ITGAV: variants seen among roughly 807,000 people sequenced by gnomAD.
ITGAV encodes the protein integrin subunit alpha V, also known as integrin alpha-V.
ITGAV carries 76 observed loss-of-function variants against 143.8 expected under a neutral mutation model. That is an observed-to-expected ratio of 0.53 (90% CI 0.44 to 0.64). ITGAV has a LOEUF of 0.64. Ranked by LOEUF, ITGAV falls within the 30% of genes least tolerant of loss-of-function variation. The pLI is 0.00. For synonymous variants in ITGAV, 453 were observed against 446.7 expected (o/e 1.01, Z -0.18); for missense variants, 1,193 against 1,274.7 (o/e 0.94, Z 0.98).
chr2:186,664,357 G>A (rs1186547996), intron 19 of ITGAV, 137 bp from the exon 20 acceptor site: 1 of 786,522 alleles, frequency 1.3e-6, no homozygotes, highest in African/African-American at 1.7e-5. Context: ...CTATCAAGCT[G>A]TGAAGTAGTC....
At position 186,679,448 on chromosome 2, in the gene ITGAV, A is replaced by G. The variant is rs1689296059; in HGVS notation, c.*2156A>G. The G allele has an allele frequency of 1.3e-5, 2 of 151,986 alleles. No homozygotes were observed. Among genetic ancestry groups the G allele is most frequent in the South Asian group, 4.1e-4 (2 of 4,834 alleles). The allele number at this position is 151,986 out of a possible 1,614,324, so 9.4% of individuals were successfully genotyped here. A position where few individuals can be genotyped will look rare whatever the true frequency, so the allele number is the denominator to read the frequency against. On this transcript the variant is annotated 3_prime_UTR_variant, in exon 30 of 30. Coordinates refer to ENST00000261023, the MANE Select transcript of ITGAV (RefSeq NM_002210.5). ...TGAACATTTATATATCTACAAAAATATGGAGAAGAGTAATTTGAAAGCCTA... is the reference window on the plus strand; with the variant it reads ...TGAACATTTATATATCTACAAAAATGTGGAGAAGAGTAATTTGAAAGCCTA...
At position 186,625,604 on chromosome 2, in the gene ITGAV, G is replaced by A. The variant is rs774613653; in HGVS notation, c.523+17G>A. 4 of 1,554,126 alleles carry A rather than the reference G, an allele frequency of 2.6e-6. No homozygotes were observed. In the South Asian group the frequency reaches 3.4e-5, roughly 13 times the overall value. On this transcript the variant is annotated intron_variant, in intron 4 of 29. Coordinates refer to ENST00000261023, the MANE Select transcript of ITGAV (RefSeq NM_002210.5). ...GTAGATCACGTATGTATAGGATATT[G>A]TACCAGCTTTTAAGAAGAGGGGTGG...
At chr2:186,657,021 C>T (rs1370160980) in intron 17 of ITGAV, among the ~76,000 whole-genome samples, 6 of 81,680 alleles carry the variant, frequency 7.3e-5, no homozygotes, top group Non-Finnish European at 1.3e-4. Context: ...CACACACACA[C>T]ACAGAAGCCA....
intron 24 of ITGAV, 127 bp downstream of exon 24, chr2:186,667,903 CAG>C: frequency 2.3e-6 from 1 of 434,880 alleles, no homozygotes; most frequent in Non-Finnish European, 4.1e-6. Context: ...AAGTATGTGT[CAG>C]AGATTTCTTT....
intron 4 of ITGAV, among the ~76,000 whole-genome samples, chr2:186,628,631 T>G (rs1360649676): frequency 6.6e-6 from 1 of 152,126 alleles, no homozygotes; most frequent in African/African-American, 2.4e-5. Context: ...CTGCACTATG[T>G]CAAATCAACA....
chr2:186,614,908 A>G (rs181791529), intron 2 of ITGAV, among the ~76,000 whole-genome samples: 2 of 152,058 alleles, frequency 1.3e-5, no homozygotes, highest in Non-Finnish European at 2.9e-5. Context: ...GTACAATTCA[A>G]TGAATTTTTA....
chr2:186,638,638 G>GTGTGTGTC (rs1383809453), intron 10 of ITGAV, among the ~76,000 whole-genome samples, 173 bp downstream of exon 10: 2 of 99,944 alleles, frequency 2.0e-5, no homozygotes, highest in Non-Finnish European at 4.9e-5. Flanking sequence ...GAGCGTGTGT[G>GTGTGTGTC]TGTGTGTGTG....
rs372704917 is a variant in ITGAV, at chr2:186,652,141, T to C, written c.1505+52T>C. 28 of 1,124,900 alleles carry C rather than the reference T, an allele frequency of 2.5e-5. No individual in the cohort carries two copies. In the African/African-American group the frequency reaches 4.0e-4, roughly 16 times the overall value. The allele number at this position is 1,124,900 out of a possible 1,614,324, so 69.7% of individuals were successfully genotyped here. A position where few individuals can be genotyped will look rare whatever the true frequency, so the allele number is the denominator to read the frequency against. On this transcript the variant is annotated intron_variant, in intron 15 of 29. Coordinates refer to ENST00000261023, the MANE Select transcript of ITGAV (RefSeq NM_002210.5). Reference sequence around the variant, plus strand: ...ATTATTGTGATTATTGTTCAGGCATTGTAAGAACAATTGAAAATGAAGGTG... The same window carrying C: ...ATTATTGTGATTATTGTTCAGGCATCGTAAGAACAATTGAAAATGAAGGTG...
At chr2:186,653,488 C>T (rs1386733602) in intron 15 of ITGAV, among the ~76,000 whole-genome samples, 1 of 151,978 alleles carries the variant, frequency 6.6e-6, no homozygotes, top group Admixed American at 6.6e-5. Flanking sequence ...TTCAAAAGAG[C>T]CAATTAAAGA....
At chr2:186,636,049 G>A (rs1687938011) in intron 6 of ITGAV, 33 bp from the exon 7 acceptor site, 1 of 1,585,120 alleles carries the variant, frequency 6.3e-7, no homozygotes. Context: ...TCCATTTGAA[G>A]GTTATTTATT....
At chr2:186,636,934 A>C in intron 7 of ITGAV, 131 bp from the exon 8 acceptor site, 1 of 699,626 alleles carries the variant, frequency 1.4e-6, no homozygotes, top group Non-Finnish European at 2.5e-6. Context: ...TGAATCTGTT[A>C]TGACTAGGGG....
Position 186,622,356 on chromosome 2 carries a change from A to G in ITGAV, c.334A>G (p.Lys112Glu). ...FDATGNRDYA[K>E]DDPLEFKSHQ... ...TTTTTTAGGCAATAGAGATTATGCC[A>G]AGGATGATCCATTGGAATTTAAGTC... Residue 112 changes from lysine (K) to glutamate (E), a missense_variant, in exon 3 of 30, where the codon AAG becomes GAG. Transcript: ENST00000261023. The G allele has an allele frequency of 1.9e-6, 3 of 1,613,016 alleles. No individual in the cohort carries two copies. The highest frequency in any genetic ancestry group is 2.2e-5 in the South Asian group (2 of 91,032).
In ITGAV at chr2:186,676,873, A is replaced by G. The variant is rs766543825; in HGVS notation, c.2989A>G (p.Ile997Val). 4 of 1,614,016 alleles carry G rather than the reference A, an allele frequency of 2.5e-6. No individual in the cohort carries two copies. Among genetic ancestry groups the G allele is most frequent in the Non-Finnish European group, 3.4e-6 (4 of 1,179,968 alleles). ...GCCCATGCCTGTGCCTGTGTGGGTGATCATTTTAGCAGTTCTAGCAGGATT... is the reference window on the plus strand; with the variant it reads ...GCCCATGCCTGTGCCTGTGTGGGTGGTCATTTTAGCAGTTCTAGCAGGATT... ...PAPMPVPVWV[I>V]ILAVLAGLLL... Residue 997 changes from isoleucine (I) to valine (V), a missense_variant, in exon 29 of 30, where the codon ATC (isoleucine) becomes GTC (valine). Physicochemically the swap from Ile to Val is conservative, Grantham distance 29 (BLOSUM62 3). Coordinates refer to ENST00000261023, the MANE Select transcript of ITGAV (RefSeq NM_002210.5).
rs570491050 is a variant in ITGAV, at chr2:186,638,476, A to C, written c.903+11A>C. On this transcript the variant is annotated intron_variant, in intron 10 of 29. Transcript: ENST00000261023. ...TTTACTGGCGAGCAGGTATGCTTCCAAAATATGATCGTCCTCTCCCACTAT... is the reference window on the plus strand; with the variant it reads ...TTTACTGGCGAGCAGGTATGCTTCCCAAATATGATCGTCCTCTCCCACTAT... 1 of 1,603,910 alleles carries C rather than the reference A, an allele frequency of 6.2e-7. No individual in the cohort carries two copies. The highest frequency in any genetic ancestry group is 1.1e-5 in the South Asian group (1 of 90,720).
At chr2:186,640,825 AT>A (rs1688081440) in intron 10 of ITGAV, 89 bp from the exon 11 acceptor site, 23 of 1,027,310 alleles carry the variant, frequency 2.2e-5, no homozygotes, top group East Asian at 1.0e-4. Context: ...GAGAAAAAAA[AT>A]AACCCTATTT....
Position 186,625,568 on chromosome 2 carries a change from G to C in ITGAV, c.504G>C (p.Glu168Asp), listed in dbSNP as rs1369157110. ...TTCAAGATGGAACAAAGACTGTTGA[G>C]TATGCTCCATGTAGATCACGTATGT... The part of the protein sequence containing the change: ...CFLQDGTKTV[E>D]YAPCRSQDID... The change falls in exon 4 of 30, where the codon GAG (glutamate) becomes GAC (aspartate). Residue 168 changes from glutamate (E) to aspartate (D), a missense_variant. Coordinates refer to ENST00000261023, the MANE Select transcript of ITGAV (RefSeq NM_002210.5). 1.2e-6 allele frequency: 2 copies of C among 1,612,030 alleles called. No homozygotes were observed. Among genetic ancestry groups the C allele is most frequent in the Admixed American group, 1.7e-5 (1 of 59,948 alleles).
chr2:186,677,490 G>C lies in ITGAV; in HGVS notation c.*198G>C. On this transcript the variant is annotated 3_prime_UTR_variant, in exon 30 of 30. Coordinates refer to ENST00000261023, the MANE Select transcript of ITGAV (RefSeq NM_002210.5). ...TCAGACATACATTTAATAACATAGG[G>C]TGACTTGTGTTTTTAGGTATTTAAA... 2.0e-6 allele frequency: 1 copy of C among 494,184 alleles called. No homozygotes were observed. Among genetic ancestry groups the C allele is most frequent in the Non-Finnish European group, 3.6e-6 (1 of 275,724 alleles). 30.6% of individuals were successfully genotyped at this position (494,184 alleles called of 1,614,324 possible).
chr2:186,598,382 T>C (rs983918012), intron 1 of ITGAV, among the ~76,000 whole-genome samples: 10 of 151,484 alleles, frequency 6.6e-5, no homozygotes, highest in African/African-American at 2.2e-4. Context: ...GATGGGGTTT[T>C]GATGACGAGC....
At chr2:186,633,995 T>C (rs1574480183) in intron 6 of ITGAV, among the ~76,000 whole-genome samples, 1 of 152,014 alleles carries the variant, frequency 6.6e-6, no homozygotes. Flanking sequence ...ACGACTGTAC[T>C]CCAGTCTGGG....
Sources: allele counts gnomAD v4.1 joint callset (sites outside exome capture counted in the v4.1 genomes callset), GRCh38; gene constraint gnomAD v4.1.1; transcripts MANE v1.5; gene names NCBI Gene and HGNC (gene_info 2026-07-23, HGNC 2026-07-21).